The following PTPRD variants were observed in gnomAD, a reference collection of about 807,000 sequenced individuals.
PTPRD encodes receptor-type tyrosine-protein phosphatase delta.
Under a neutral mutation model 214.5 loss-of-function variants are expected in PTPRD, and 34 were observed. The ratio of observed to expected loss-of-function variants is 0.16; its 90% CI spans 0.12 to 0.21. The LOEUF is 0.21. Among genes scored for constraint, PTPRD ranks in the 10% least tolerant of loss-of-function variants. The pLI is 1.00. For synonymous variants in PTPRD, 1,128 were observed against 845.7 expected (o/e 1.33, Z -5.79); for missense variants, 2,545 against 2,398.7 (o/e 1.06, Z -1.27).
At chr9:9,993,031 T>C (rs7466785) in intron 4 of PTPRD, among the ~76,000 whole-genome samples, 107,049 of 151,742 alleles carry the variant, frequency 0.71, 38,017 homozygotes, top group Middle Eastern at 0.78. Flanking sequence ...CTTTCATAAA[T>C]AGTTGTTGGT....
intron 4 of PTPRD, among the ~76,000 whole-genome samples, chr9:10,018,682 G>C (rs1469611098): frequency 1.4e-5 from 2 of 147,256 alleles, no homozygotes; most frequent in Admixed American, 1.4e-4. Flanking sequence ...CAAGTAGCTG[G>C]GACTACAGGC....
At chr9:8,881,512 G>A (rs926698963) in intron 11 of PTPRD, among the ~76,000 whole-genome samples, 12 of 152,158 alleles carry the variant, frequency 7.9e-5, no homozygotes, top group African/African-American at 2.9e-4. Context: ...TGTAATGGAA[G>A]GGGTTTACTA....
intron 11 of PTPRD, among the ~76,000 whole-genome samples, chr9:8,850,944 G>C (rs2097796510): frequency 6.6e-6 from 1 of 152,164 alleles, no homozygotes; most frequent in African/African-American, 2.4e-5. Flanking sequence ...ATGTCTTGTT[G>C]ACCTATAAGC....
intron 12 of PTPRD, among the ~76,000 whole-genome samples, chr9:8,729,333 T>C (rs967307770): frequency 2.0e-5 from 3 of 151,998 alleles, no homozygotes; most frequent in Non-Finnish European, 4.4e-5. Flanking sequence ...GAAGCAAGGG[T>C]TTATAAGAAC....
At chr9:9,131,972 T>C (rs913140693) in intron 10 of PTPRD, among the ~76,000 whole-genome samples, 6 of 152,068 alleles carry the variant, frequency 3.9e-5, no homozygotes, top group Admixed American at 3.3e-4. Flanking sequence ...TTTAGTCTAC[T>C]GAGCCTAAGT....
At chr9:9,034,417 C>G (rs966532466) in intron 10 of PTPRD, among the ~76,000 whole-genome samples, 1 of 152,140 alleles carries the variant, frequency 6.6e-6, no homozygotes, top group African/African-American at 2.4e-5. Context: ...AATGCCTAAC[C>G]TGGGTTTAAA....
intron 10 of PTPRD, among the ~76,000 whole-genome samples, chr9:9,173,472 T>C (rs1300918212): frequency 6.6e-6 from 1 of 152,100 alleles, no homozygotes; most frequent in Non-Finnish European, 1.5e-5. Flanking sequence ...TGTGCAAACA[T>C]CATAGAGTGT....
chr9:10,510,037 A>T (rs1029244081), intron 2 of PTPRD, among the ~76,000 whole-genome samples: 8 of 152,104 alleles, frequency 5.3e-5, no homozygotes, highest in African/African-American at 1.7e-4. Context: ...TACTTTGCTC[A>T]GCTCTAGTAT....
chr9:10,281,179 A>G (rs1404517253), intron 3 of PTPRD, among the ~76,000 whole-genome samples: 2 of 152,222 alleles, frequency 1.3e-5, no homozygotes, highest in Non-Finnish European at 2.9e-5. Context: ...GAAACATCTG[A>G]AAATGAGTAA....
At chr9:8,712,736 GC>G (rs1030226388) in intron 12 of PTPRD, among the ~76,000 whole-genome samples, 7 of 146,756 alleles carry the variant, frequency 4.8e-5, no homozygotes, top group Admixed American at 1.4e-4. Context: ...GGGGTGGGGG[GC>G]ATGGACTTTC....
At chr9:8,576,616 G>T (rs1214696585) in intron 14 of PTPRD, among the ~76,000 whole-genome samples, 2 of 131,392 alleles carry the variant, frequency 1.5e-5, no homozygotes, top group Non-Finnish European at 1.5e-5. Context: ...TTGATCTACA[G>T]CAAGGCTAAT....
intron 8 of PTPRD, among the ~76,000 whole-genome samples, chr9:9,518,500 A>T (rs1351171124): frequency 6.6e-6 from 1 of 152,064 alleles, no homozygotes; most frequent in Non-Finnish European, 1.5e-5. Flanking sequence ...ATACAAATCT[A>T]AGAAGGAAGG....
chr9:9,293,386 G>GTT (rs137924508), intron 9 of PTPRD, among the ~76,000 whole-genome samples: 8,942 of 138,138 alleles, frequency 0.065, 324 homozygotes, highest in Middle Eastern at 0.16. Context: ...TTGTTTGTTT[G>GTT]TTCTTTTTTT....
chr9:10,418,227 T>C (rs1461112327), intron 2 of PTPRD, among the ~76,000 whole-genome samples: 1 of 151,892 alleles, frequency 6.6e-6, no homozygotes, highest in Non-Finnish European at 1.5e-5. Flanking sequence ...AGCAAAAGTG[T>C]GTTTATATCT....
chr9:8,320,431 C>G (rs967291855), intron 44 of PTPRD, among the ~76,000 whole-genome samples: 1 of 151,986 alleles, frequency 6.6e-6, no homozygotes, highest in Non-Finnish European at 1.5e-5. Context: ...TATGCGATGC[C>G]CATAACCTAA....
intron 11 of PTPRD, among the ~76,000 whole-genome samples, chr9:8,955,231 G>A (rs745626554): frequency 6.6e-6 from 1 of 151,842 alleles, no homozygotes; most frequent in African/African-American, 2.4e-5. Flanking sequence ...AAAGTTGGCT[G>A]GGTTTGTTGA....
intron 4 of PTPRD, among the ~76,000 whole-genome samples, chr9:9,994,001 C>G (rs913222026): frequency 1.2e-4 from 18 of 152,090 alleles, no homozygotes; most frequent in Non-Finnish European, 2.2e-4. Context: ...ATCATGTGTA[C>G]TCATTTAATA....
At chr9:8,615,311 A>AC (rs1382408315) in intron 14 of PTPRD, among the ~76,000 whole-genome samples, 1 of 152,108 alleles carries the variant, frequency 6.6e-6, no homozygotes, top group East Asian at 1.9e-4. Flanking sequence ...ATTAAACCTT[A>AC]TGGCCCAAAT....
chr9:8,632,677 A>G (rs201932205), intron 14 of PTPRD, among the ~76,000 whole-genome samples: 2 of 152,108 alleles, frequency 1.3e-5, no homozygotes, highest in East Asian at 3.9e-4. Flanking sequence ...TACAAACTGA[A>G]CACACTGTAC....
Sources: allele counts gnomAD v4.1 joint callset (sites outside exome capture counted in the v4.1 genomes callset), GRCh38; gene constraint gnomAD v4.1.1; transcripts MANE v1.5; gene names NCBI Gene and HGNC (gene_info 2026-07-23, HGNC 2026-07-21).